INPP5A: variants seen among roughly 807,000 people sequenced by gnomAD.
The protein encoded by INPP5A is 43 kDa inositol polyphosphate 5-phophatase.
INPP5A carries 14 observed loss-of-function variants against 65.2 expected under a neutral mutation model. The observed-to-expected ratio is 0.21, with a 90% confidence interval of 0.14 to 0.34. The LOEUF (loss-of-function observed/expected upper bound fraction) is 0.34, where lower values mean the gene tolerates loss of function less well. Among genes scored for constraint, INPP5A ranks in the 10% least tolerant of loss-of-function variants. INPP5A has a pLI of 1.00. For missense variants in INPP5A, 431 were observed against 545.6 expected, an observed-to-expected ratio of 0.79 and a Z score of 2.09; for synonymous variants, 207 against 208.3, an observed-to-expected ratio of 0.99 and a Z score of 0.05.
rs1376016258 is a variant in INPP5A at position 132,720,795 on chromosome 10, C to T, written c.648-6026C>T. 1.0e-4 allele frequency among the ~76,000 whole-genome samples: 15 copies of T among 144,970 alleles called. No homozygotes were observed. The East Asian group carries it at 1.7e-3, about 17-fold the overall frequency. On this transcript the variant is annotated intron_variant, in intron 8 of 15. Coordinates refer to ENST00000368594, the MANE Select transcript of INPP5A (RefSeq NM_005539.5). ...CTGTGGTACCTGGGTTCTGTCTGGG[C>T]GCCTTAGATGGCTGTCTTGCGGGTT... is the stretch of plus-strand genomic sequence containing the variant.
At chr10:132,680,888 G>A (rs569796989) in intron 4 of INPP5A, among the ~76,000 whole-genome samples, 12 of 152,360 alleles carry the variant, frequency 7.9e-5, no homozygotes, top group Non-Finnish European at 1.6e-4. Context: ...CTGCCTTCCC[G>A]AGGGGCAGGG....
At chr10:132,708,832 C>T (rs879511670) in intron 7 of INPP5A, among the ~76,000 whole-genome samples, 4 of 152,200 alleles carry the variant, frequency 2.6e-5, no homozygotes, top group African/African-American at 4.8e-5. Flanking sequence ...AACATGTTCT[C>T]GATAGCGCCG....
intron 4 of INPP5A, 43 bp from the exon 5 acceptor site, chr10:132,690,349 C>T (rs1845237493): frequency 1.6e-6 from 2 of 1,218,378 alleles, no homozygotes; most frequent in East Asian, 2.3e-5. Flanking sequence ...TAGAAATATT[C>T]CCAGCACCAG....
chr10:132,664,084 G>T (rs138751848), intron 4 of INPP5A, among the ~76,000 whole-genome samples: 1 of 152,362 alleles, frequency 6.6e-6, no homozygotes, highest in African/African-American at 2.4e-5. Context: ...CACTGAAGCA[G>T]TGAACATAAA....
chr10:132,683,798 T>A (rs914800721), intron 4 of INPP5A, among the ~76,000 whole-genome samples: 3 of 152,240 alleles, frequency 2.0e-5, no homozygotes, highest in Non-Finnish European at 4.4e-5. Flanking sequence ...CACTGCGACC[T>A]CTGCCTCCCA....
At chr10:132,583,736 A>C (rs1350999892) in intron 1 of INPP5A, among the ~76,000 whole-genome samples, 1 of 152,174 alleles carries the variant, frequency 6.6e-6, no homozygotes, top group Non-Finnish European at 1.5e-5. Context: ...TAGTTAAACG[A>C]AACTAGTGTT....
At chr10:132,599,902 C>T (rs1047178234) in intron 1 of INPP5A, among the ~76,000 whole-genome samples, 12 of 152,200 alleles carry the variant, frequency 7.9e-5, no homozygotes, top group South Asian at 6.2e-4. Context: ...CTTTTAGCCA[C>T]GGCTGGAGTG....
At chr10:132,744,987 G>A (rs1846343313) in intron 9 of INPP5A, among the ~76,000 whole-genome samples, 1 of 152,180 alleles carries the variant, frequency 6.6e-6, no homozygotes, top group Non-Finnish European at 1.5e-5. Flanking sequence ...CGAGGCCCGG[G>A]CTGCCCGCCT....
At chr10:132,723,572 ATGTGGGGATTGGCCG>A (rs1845929242) in intron 8 of INPP5A, among the ~76,000 whole-genome samples, 3 of 94,156 alleles carry the variant, frequency 3.2e-5, no homozygotes, top group Admixed American at 1.1e-4. Flanking sequence ...GGGATTGGCC[ATGTGGGGATTGGCCG>A]TGTGGGGATT....
intron 6 of INPP5A, among the ~76,000 whole-genome samples, chr10:132,708,096 G>C (rs1051589092): frequency 1.3e-5 from 2 of 152,224 alleles, no homozygotes; most frequent in Admixed American, 6.5e-5. Flanking sequence ...CCCACCCCAG[G>C]CTGGGCATCA....
chr10:132,591,614 A>G (rs966281853), intron 1 of INPP5A, among the ~76,000 whole-genome samples: 1 of 152,238 alleles, frequency 6.6e-6, no homozygotes, highest in Non-Finnish European at 1.5e-5. Flanking sequence ...CTCTTCCAGC[A>G]GGCCTTCCGC....
At chr10:132,681,758 G>C (rs941627885) in intron 4 of INPP5A, among the ~76,000 whole-genome samples, 1 of 152,238 alleles carries the variant, frequency 6.6e-6, no homozygotes, top group African/African-American at 2.4e-5. Flanking sequence ...CCAAAGAATT[G>C]AGAGCAGTCT....
chr10:132,585,851 T>C (rs1461582486), intron 1 of INPP5A, among the ~76,000 whole-genome samples: 1 of 152,210 alleles, frequency 6.6e-6, no homozygotes, highest in Non-Finnish European at 1.5e-5. Flanking sequence ...GAGTGTCCTT[T>C]CGGGTGTCCA....
rs1846527848 is a variant in INPP5A, at chr10:132,753,148, CTGCTGACCCGGGTGCCCTCGCACTT to C, written c.903+3304_903+3328del. On this transcript the variant is annotated intron_variant, in intron 11 of 15. Transcript: ENST00000368594. The surrounding 1 kb of genome is among the most constrained non-coding windows in gnomAD (Gnocchi z 5.3). Reference sequence around the variant, plus strand: ...ACCTTCGGGAACGCCCCATGGGTTCCTGCTGACCCGGGTGCCCTCGCACTTGCCCGAGGTGCCGGCATGCCGAGTC... The same window carrying C: ...ACCTTCGGGAACGCCCCATGGGTTCCGCCCGAGGTGCCGGCATGCCGAGTC... Among the ~76,000 whole-genome samples, 1 of 152,170 alleles carries C rather than the reference CTGCTGACCCGGGTGCCCTCGCACTT, an allele frequency of 6.6e-6. No homozygotes were observed. The highest frequency in any genetic ancestry group is 6.5e-5 in the Admixed American group (1 of 15,288).
intron 1 of INPP5A, among the ~76,000 whole-genome samples, chr10:132,577,021 G>GA (rs2071418621): frequency 6.6e-6 from 1 of 152,242 alleles, no homozygotes; most frequent in East Asian, 1.9e-4. Flanking sequence ...ATGGGGAGAG[G>GA]GCTTGTGCTG....
chr10:132,680,315 G>C (rs1217906295), intron 4 of INPP5A, among the ~76,000 whole-genome samples: 1 of 152,228 alleles, frequency 6.6e-6, no homozygotes, highest in Non-Finnish European at 1.5e-5. Context: ...TTCCCTCCAA[G>C]GACGGCGTGG....
chr10:132,625,205 G>A (rs1388709179), intron 2 of INPP5A, among the ~76,000 whole-genome samples: 1 of 147,526 alleles, frequency 6.8e-6, no homozygotes, highest in African/African-American at 2.5e-5. Context: ...TCCCTCTGAC[G>A]GCACCTCTGC....
At chr10:132,714,348 G>A (rs554960155) in intron 8 of INPP5A, among the ~76,000 whole-genome samples, 1 of 152,296 alleles carries the variant, frequency 6.6e-6, no homozygotes, top group South Asian at 2.1e-4. Flanking sequence ...CTTTCACCGC[G>A]GCTGCTAACC....
rs776717119 is a variant in INPP5A at position 132,710,497 on chromosome 10, G to GGC, written c.647+42_647+43insCG. The stretch of plus-strand genomic sequence containing the variant: ...CAGGTAGGCGTGGGCCGGGCAAGTA[G>GGC]GTGTGCTGGGCAGGCAGGTGTGAGT... On this transcript the variant is annotated intron_variant, in intron 8 of 15. Coordinates refer to ENST00000368594, the MANE Select transcript of INPP5A (RefSeq NM_005539.5). 10 of 1,600,158 alleles carry GGC rather than the reference G, an allele frequency of 6.2e-6. No homozygotes were observed. The African/African-American group carries it at 1.2e-4, about 19-fold the overall frequency.
Sources: allele counts gnomAD v4.1 joint callset (sites outside exome capture counted in the v4.1 genomes callset), GRCh38; gene constraint gnomAD v4.1.1; non-coding constraint Gnocchi (gnomAD v3.1); transcripts MANE v1.5; gene names NCBI Gene and HGNC (gene_info 2026-07-23, HGNC 2026-07-21).